The following TBC1D32 variants were observed in gnomAD, a reference collection of about 807,000 sequenced individuals.
The protein encoded by TBC1D32 is TBC1 domain family member 32.
Under a neutral mutation model 170.3 loss-of-function variants are expected in TBC1D32, and 151 were observed. The ratio of observed to expected loss-of-function variants is 0.89; its 90% CI spans 0.78 to 1.01. TBC1D32 has a LOEUF of 1.01. Ranked by LOEUF, TBC1D32 falls within the 50% of genes least tolerant of loss-of-function variation. The probability of loss-of-function intolerance (pLI) is 0.00; values close to 1 mark genes in which losing one functional copy is unlikely to be tolerated. For synonymous variants in TBC1D32, 498 were observed against 488.0 expected, an observed-to-expected ratio of 1.02 and a Z score of -0.27; for missense variants, 1,464 against 1,457.1, an observed-to-expected ratio of 1.00 and a Z score of -0.08.
intron 17 of TBC1D32, among the ~76,000 whole-genome samples, chr6:121,249,859 C>T (rs578097782): frequency 6.6e-6 from 1 of 152,066 alleles, no homozygotes; most frequent in South Asian, 2.1e-4. Context: ...AAAACACATC[C>T]CATGCTCATA....
intron 26 of TBC1D32, among the ~76,000 whole-genome samples, chr6:121,123,408 G>A (rs1352154439): frequency 6.6e-6 from 1 of 151,916 alleles, no homozygotes; most frequent in Non-Finnish European, 1.5e-5. Context: ...TATGAATCTG[G>A]GTGCTCCAGT....
intron 23 of TBC1D32, among the ~76,000 whole-genome samples, chr6:121,160,400 T>C (rs1484543302): frequency 6.6e-6 from 1 of 151,792 alleles, no homozygotes; most frequent in Non-Finnish European, 1.5e-5. Flanking sequence ...AAAAGGAAAA[T>C]TGTAATCTTC....
At chr6:121,230,820 A>C (rs1277198493) in intron 20 of TBC1D32, among the ~76,000 whole-genome samples, 3 of 151,798 alleles carry the variant, frequency 2.0e-5, no homozygotes, top group African/African-American at 7.3e-5. Context: ...TTTTTGGGGA[A>C]CCGATAGTGT....
intron 22 of TBC1D32, among the ~76,000 whole-genome samples, chr6:121,193,759 T>C (rs1232439113): frequency 1.3e-5 from 2 of 152,254 alleles, no homozygotes; most frequent in East Asian, 1.9e-4. Context: ...TCTTGCTTAA[T>C]TTATATTAGC....
chr6:121,130,015 CA>C, intron 25 of TBC1D32: 1 of 390,912 alleles, frequency 2.6e-6, no homozygotes, highest in Non-Finnish European at 4.9e-6. Context: ...TTAGAAATCA[CA>C]AAAACATATC....
intron 21 of TBC1D32, among the ~76,000 whole-genome samples, chr6:121,207,494 G>A (rs1792428016): frequency 6.6e-6 from 1 of 152,054 alleles, no homozygotes; most frequent in South Asian, 2.1e-4. Flanking sequence ...CAAATGTTAT[G>A]GCAAATAATT....
intron 31 of TBC1D32, among the ~76,000 whole-genome samples, chr6:121,086,257 T>C (rs1776264412): frequency 1.3e-5 from 2 of 152,202 alleles, no homozygotes; most frequent in South Asian, 4.1e-4. Context: ...CATAAAAGTC[T>C]AAGCAATGTA....
intron 25 of TBC1D32, among the ~76,000 whole-genome samples, chr6:121,127,860 T>C (rs1258180890): frequency 6.6e-6 from 1 of 152,190 alleles, no homozygotes; most frequent in Non-Finnish European, 1.5e-5. Context: ...GGCACAACCA[T>C]GTTTGCTACA....
intron 10 of TBC1D32, among the ~76,000 whole-genome samples, chr6:121,295,268 G>A (rs1170215699): frequency 4.4e-5 from 6 of 137,312 alleles, no homozygotes; most frequent in Non-Finnish European, 7.6e-5. Flanking sequence ...CCTACCCATC[G>A]ATGGCCTCTT....
chr6:121,132,523 A>G (rs1781547756), intron 24 of TBC1D32, among the ~76,000 whole-genome samples: 1 of 151,988 alleles, frequency 6.6e-6, no homozygotes, highest in Non-Finnish European at 1.5e-5. Flanking sequence ...CTCAGTATAT[A>G]GGTAACTGCT....
intron 22 of TBC1D32, chr6:121,170,479 C>T (rs1786818113): frequency 6.2e-7 from 1 of 1,607,730 alleles, no homozygotes; most frequent in Non-Finnish European, 8.5e-7. Context: ...GATACTGAGC[C>T]TCTAACAGGA....
chr6:121,204,609 T>C (rs1446819674), intron 22 of TBC1D32, among the ~76,000 whole-genome samples: 1 of 151,320 alleles, frequency 6.6e-6, no homozygotes. Context: ...GAAAATAAAA[T>C]GTCAAGGAAT....
At chr6:121,204,044 CG>C (rs1791920641) in intron 22 of TBC1D32, among the ~76,000 whole-genome samples, 1 of 150,648 alleles carries the variant, frequency 6.6e-6, no homozygotes, top group South Asian at 2.1e-4. Context: ...AGGCCAAAAT[CG>C]ATGTTCTATA....
intron 15 of TBC1D32, among the ~76,000 whole-genome samples, chr6:121,261,121 A>C (rs1325581148): frequency 1.3e-5 from 2 of 152,146 alleles, no homozygotes; most frequent in East Asian, 3.9e-4. Flanking sequence ...TGGCTCAGGG[A>C]CAGAACTCTG....
intron 26 of TBC1D32, among the ~76,000 whole-genome samples, chr6:121,123,143 T>C (rs1459694726): frequency 1.3e-5 from 2 of 152,126 alleles, no homozygotes; most frequent in Non-Finnish European, 2.9e-5. Context: ...CTATTTTTCC[T>C]CACTCAGTAT....
chr6:121,141,544 A>G (rs1300418373), intron 24 of TBC1D32, among the ~76,000 whole-genome samples: 1 of 152,252 alleles, frequency 6.6e-6, no homozygotes, highest in Non-Finnish European at 1.5e-5. Flanking sequence ...AAAGCACATG[A>G]AAAGTCTTCA....
chr6:121,265,424 T>C (rs188509754), intron 15 of TBC1D32, among the ~76,000 whole-genome samples: 156 of 152,122 alleles, frequency 1.0e-3, no homozygotes, highest in African/African-American at 3.7e-3. Context: ...CATAAACAAA[T>C]GGAAAAACAT....
chr6:121,192,058 A>ACTAC (rs1790126119), intron 22 of TBC1D32, among the ~76,000 whole-genome samples: 1 of 27,154 alleles, frequency 3.7e-5, no homozygotes, highest in Non-Finnish European at 3.0e-4. Flanking sequence ...TACTTAATAA[A>ACTAC]CTACCCTTTA....
chr6:121,233,485 C>CT (rs1345721787), intron 20 of TBC1D32, among the ~76,000 whole-genome samples: 1 of 151,336 alleles, frequency 6.6e-6, no homozygotes, highest in African/African-American at 2.4e-5. Flanking sequence ...TTTTTAACTG[C>CT]TGTTGCTTTA....
Sources: allele counts gnomAD v4.1 joint callset (sites outside exome capture counted in the v4.1 genomes callset), GRCh38; gene constraint gnomAD v4.1.1; transcripts MANE v1.5; gene names NCBI Gene and HGNC (gene_info 2026-07-23, HGNC 2026-07-21).